Variants in XRCC5 observed in about 807,000 individuals in gnomAD.
XRCC5 encodes the protein DNA repair protein Ku80.
XRCC5 carries 12 observed loss-of-function variants against 95.7 expected under a neutral mutation model. That is an observed-to-expected ratio of 0.13 (90% CI 0.08 to 0.20). The LOEUF is 0.20. Ranked by LOEUF, XRCC5 falls within the 10% of genes least tolerant of loss-of-function variation. XRCC5 has a pLI of 1.00. For missense variants in XRCC5, 595 were observed against 873.9 expected (o/e 0.68, Z 4.02); for synonymous variants, 281 against 290.3 (o/e 0.97, Z 0.33).
chr2:216,173,561 C>G (rs1285015352), intron 16 of XRCC5, among the ~76,000 whole-genome samples: 1 of 152,176 alleles, frequency 6.6e-6, no homozygotes, highest in Non-Finnish European at 1.5e-5. Context: ...TCCAGTCGTT[C>G]TATAAAATCC....
At chr2:216,173,646 CTTAA>C (rs1443659924) in intron 16 of XRCC5, among the ~76,000 whole-genome samples, 1 of 152,212 alleles carries the variant, frequency 6.6e-6, no homozygotes, top group African/African-American at 2.4e-5. Flanking sequence ...GTGTTGGAAA[CTTAA>C]TCCCCATTCT....
At chr2:216,177,269 T>C (rs906817691) in intron 16 of XRCC5, among the ~76,000 whole-genome samples, 7 of 152,222 alleles carry the variant, frequency 4.6e-5, no homozygotes, top group African/African-American at 1.7e-4. Context: ...CCGTGACGTT[T>C]TGAGTATTGA....
chr2:216,151,531 A>T (rs1027200351), intron 14 of XRCC5, among the ~76,000 whole-genome samples: 1 of 152,086 alleles, frequency 6.6e-6, no homozygotes, highest in Non-Finnish European at 1.5e-5. Context: ...TATGAGTCAG[A>T]CCCCTTGCTC....
At chr2:216,110,342 A>G (rs1186995236) in intron 1 of XRCC5, 1 of 152,236 alleles carries the variant, frequency 6.6e-6, no homozygotes, top group Non-Finnish European at 1.5e-5. Context: ...TTCAATACAG[A>G]TAAACAAGAT....
intron 14 of XRCC5, among the ~76,000 whole-genome samples, chr2:216,153,222 C>T (rs1384339875): frequency 6.6e-6 from 1 of 152,170 alleles, no homozygotes; most frequent in Non-Finnish European, 1.5e-5. Flanking sequence ...GCTTTCTTGA[C>T]CTCTTTGAAG....
intron 16 of XRCC5, among the ~76,000 whole-genome samples, chr2:216,189,967 A>G (rs1689583898): frequency 6.6e-6 from 1 of 152,250 alleles, no homozygotes; most frequent in South Asian, 2.1e-4. Flanking sequence ...CCAAAAAGGA[A>G]TATTTCAACT....
rs148392748 is a variant in XRCC5 at position 216,184,063 on chromosome 2, TGTGTGTGTGTGA to T, written c.1835-6161_1835-6150del. On this transcript the variant is annotated intron_variant, in intron 16 of 20. Transcript: ENST00000392132. Reference sequence around the variant, plus strand: ...GTGTGTGTGTGTGTGTGTGTGTGTGTGTGTGTGTGTGATTTAGAGAAAAAATATTTAAGATAC... The same window carrying T: ...GTGTGTGTGTGTGTGTGTGTGTGTGTTTTAGAGAAAAAATATTTAAGATAC... Among the ~76,000 whole-genome samples the T allele has an allele frequency of 6.1e-4, 67 of 110,368 alleles. 1 individual carries two copies. The highest frequency in any genetic ancestry group is 1.8e-3 in the African/African-American group (62 of 33,856). The allele number at this position is 110,368 out of a possible 152,430, so 72.4% of individuals were successfully genotyped here.
chr2:216,187,465 A>ACT (rs1483366984), intron 16 of XRCC5, among the ~76,000 whole-genome samples: 1 of 74,412 alleles, frequency 1.3e-5, no homozygotes, highest in Non-Finnish European at 2.8e-5. Flanking sequence ...TAAGATAGCA[A>ACT]CTGTGTGTGT....
intron 16 of XRCC5, among the ~76,000 whole-genome samples, chr2:216,168,501 C>T (rs560981999): frequency 9.2e-5 from 14 of 152,256 alleles, no homozygotes; most frequent in East Asian, 3.9e-4. Flanking sequence ...CATTTTTCAG[C>T]GACTCTTCCT....
chr2:216,174,037 C>G (rs865857245), intron 16 of XRCC5, among the ~76,000 whole-genome samples: 3 of 152,158 alleles, frequency 2.0e-5, no homozygotes, highest in African/African-American at 7.2e-5. Context: ...CAGGAAAATA[C>G]TGGACTCATA....
chr2:216,187,179 G>T (rs566756210), intron 16 of XRCC5, among the ~76,000 whole-genome samples: 1 of 152,262 alleles, frequency 6.6e-6, no homozygotes, highest in East Asian at 1.9e-4. Flanking sequence ...TGGGTTTATT[G>T]GAAGTTTGGA....
intron 13 of XRCC5, among the ~76,000 whole-genome samples, chr2:216,142,259 TATA>T (rs1697184601): frequency 6.6e-6 from 1 of 152,166 alleles, no homozygotes; most frequent in South Asian, 2.1e-4. Flanking sequence ...ATATGAACTC[TATA>T]ATAATATAAC....
At position 216,205,188 on chromosome 2, in the gene XRCC5, T is replaced by C. The variant is rs751583165; in HGVS notation, c.2185T>C (p.Leu729=). ...FEEGGDVDDL[L]DMI is the part of the protein sequence containing the mutation. ...CTAAGTGTGTTGTTCTTGTTCACAGTTGGACATGATATAGGTCGTGGATGT... is the reference window on the plus strand; with the variant it reads ...CTAAGTGTGTTGTTCTTGTTCACAGCTGGACATGATATAGGTCGTGGATGT... Residue 729 remains leucine (L), a splice_region_variant and synonymous_variant, in exon 21 of 21, where the codon TTG becomes CTG. Coordinates refer to ENST00000392132, the MANE Select transcript of XRCC5 (RefSeq NM_021141.4). 10 of 1,613,870 alleles carry C rather than the reference T, an allele frequency of 6.2e-6. No homozygotes were observed. The highest frequency in any genetic ancestry group is 3.3e-4 in the Middle Eastern group (2 of 6,082).
At chr2:216,190,557 A>C (rs1689597300) in intron 17 of XRCC5, among the ~76,000 whole-genome samples, 2 of 152,160 alleles carry the variant, frequency 1.3e-5, no homozygotes, top group South Asian at 4.1e-4. Flanking sequence ...TTTATCCCTG[A>C]AAGTTGGCTT....
chr2:216,149,073 A>G (rs13382500), intron 14 of XRCC5, among the ~76,000 whole-genome samples: 15 of 152,186 alleles, frequency 9.9e-5, no homozygotes, highest in African/African-American at 3.4e-4. Context: ...ATTTTAAACC[A>G]TGAATCTTTT....
Position 216,118,305 on chromosome 2 carries a change from T to C in XRCC5, c.368+511T>C, listed in dbSNP as rs571934375. Among the ~76,000 whole-genome samples the C allele has an allele frequency of 3.9e-5, 6 of 152,072 alleles. No homozygotes were observed. In the East Asian group the frequency reaches 1.2e-3, roughly 29 times the overall value. The stretch of plus-strand genomic sequence containing the variant: ...GATCCTTGCATCTCAGCCTCCTGAG[T>C]AGCTGGGACTACAGGTGCACACCCA... On this transcript the variant is annotated intron_variant, in intron 4 of 20. Coordinates refer to ENST00000392132, the MANE Select transcript of XRCC5 (RefSeq NM_021141.4).
chr2:216,181,609 A>G (rs548165121), intron 16 of XRCC5, among the ~76,000 whole-genome samples: 12 of 152,332 alleles, frequency 7.9e-5, no homozygotes, highest in African/African-American at 2.9e-4. Flanking sequence ...GAACCGGTAT[A>G]TCTTTGGATC....
At chr2:216,127,695 A>G (rs775018309) in intron 8 of XRCC5, 21 bp downstream of exon 8, 2 of 1,574,874 alleles carry the variant, frequency 1.3e-6, no homozygotes, top group East Asian at 4.5e-5. Context: ...AAGAGTTTTC[A>G]CTGTTGCCTA....
chr2:216,158,173 T>C (rs529609971), intron 14 of XRCC5, among the ~76,000 whole-genome samples: 1 of 152,342 alleles, frequency 6.6e-6, no homozygotes, highest in South Asian at 2.1e-4. Flanking sequence ...TAGCTTTTTA[T>C]GTGTAATCCT....
Sources: allele counts gnomAD v4.1 joint callset (sites outside exome capture counted in the v4.1 genomes callset), GRCh38; gene constraint gnomAD v4.1.1; transcripts MANE v1.5; gene names NCBI Gene and HGNC (gene_info 2026-07-23, HGNC 2026-07-21).